Variants in TMEM268 observed in about 807,000 individuals in gnomAD.
TMEM268 encodes the protein transmembrane protein 268.
TMEM268 carries 24 observed loss-of-function variants against 39.1 expected under a neutral mutation model. The observed-to-expected ratio is 0.61, with a 90% confidence interval of 0.44 to 0.86. The LOEUF is 0.86. Ranked by LOEUF, TMEM268 falls within the 40% of genes least tolerant of loss-of-function variation. The pLI, the probability that TMEM268 is intolerant of heterozygous loss-of-function variation, is 0.00. For synonymous variants in TMEM268, 176 were observed against 173.5 expected (o/e 1.01, Z -0.12); for missense variants, 409 against 428.6 (o/e 0.95, Z 0.40).
At chr9:114,625,208 A>G (rs1846106415) in intron 3 of TMEM268, among the ~76,000 whole-genome samples, 1 of 152,152 alleles carries the variant, frequency 6.6e-6, no homozygotes, top group African/African-American at 2.4e-5. Flanking sequence ...GATTAAATGC[A>G]ATAATGCTTG....
intron 8 of TMEM268, among the ~76,000 whole-genome samples, chr9:114,641,546 G>GC (rs1374260965): frequency 2.0e-5 from 3 of 152,166 alleles, no homozygotes; most frequent in African/African-American, 7.2e-5. Context: ...AAGGCCTAGC[G>GC]CCGTGGCTCA....
In TMEM268 at chr9:114,646,142, T is replaced by C. The variant is rs1589368956; in HGVS notation, c.*2829T>C. The C allele has an allele frequency of 6.6e-6, 1 of 152,242 alleles. No homozygotes were observed. The highest frequency in any genetic ancestry group is 1.9e-4 in the East Asian group (1 of 5,182). The allele number at this position is 152,242 out of a possible 1,614,324, so 9.4% of individuals were successfully genotyped here. A position where few individuals can be genotyped will look rare whatever the true frequency, so the allele number is the denominator to read the frequency against. On this transcript the variant is annotated 3_prime_UTR_variant, in exon 9 of 9. Coordinates refer to ENST00000288502, the MANE Select transcript of TMEM268 (RefSeq NM_153045.4). ...AAGTCTTAAGGCTCTGTGTTAGTGATAGATGTGGCCATGGTGTAGGCAGTG... is the reference window on the plus strand; with the variant it reads ...AAGTCTTAAGGCTCTGTGTTAGTGACAGATGTGGCCATGGTGTAGGCAGTG...
the TMEM268 span, among the ~76,000 whole-genome samples, chr9:114,605,464 C>T: frequency 6.6e-6 from 1 of 152,032 alleles, no homozygotes; most frequent in Non-Finnish European, 1.5e-5. Flanking sequence ...ATCATCAGGT[C>T]AACATAGATC....
intron 7 of TMEM268, among the ~76,000 whole-genome samples, chr9:114,637,748 C>T (rs951535645): frequency 6.6e-6 from 1 of 152,142 alleles, no homozygotes; most frequent in Non-Finnish European, 1.5e-5. Flanking sequence ...GAAACAGGCT[C>T]CGGGATGACC....
intron 3 of TMEM268, among the ~76,000 whole-genome samples, chr9:114,625,034 G>C (rs942814689): frequency 6.6e-6 from 1 of 152,232 alleles, no homozygotes; most frequent in Non-Finnish European, 1.5e-5. Flanking sequence ...CAAGCATAGT[G>C]ATTTGAGGCC....
intron 7 of TMEM268, among the ~76,000 whole-genome samples, chr9:114,638,198 C>T (rs1017435097): frequency 1.3e-5 from 2 of 152,164 alleles, no homozygotes; most frequent in Non-Finnish European, 1.5e-5. Flanking sequence ...CGTGCCACCA[C>T]ACCAGGCTAA....
chr9:114,617,267 C>T lies in TMEM268; in HGVS notation c.72C>T (p.Ala24=), dbSNP rs758977140. ...PLPPSSPGWS[A]LPGGSPPGWG... is the part of the protein sequence containing the mutation. ...CCCCCTCCTCCCCTGGCTGGAGTGC[C>T]CTGCCTGGAGGGAGCCCTCCTGGCT... Residue 24 remains alanine (A), a synonymous_variant, in exon 2 of 9, where the codon GCC becomes GCT. Transcript: ENST00000288502. 2 of 1,613,270 alleles carry T rather than the reference C, an allele frequency of 1.2e-6. No individual in the cohort carries two copies. The highest frequency in any genetic ancestry group is 8.5e-7 in the Non-Finnish European group (1 of 1,179,570).
intron 2 of TMEM268, among the ~76,000 whole-genome samples, chr9:114,618,040 C>T (rs912227229): frequency 6.6e-6 from 1 of 151,918 alleles, no homozygotes; most frequent in East Asian, 1.9e-4. Flanking sequence ...CCACGCCCAG[C>T]TAATTTTCGT....
chr9:114,643,328 T>TAC lies in TMEM268; in HGVS notation c.*16_*17dup. 6.2e-7 allele frequency: 1 copy of TAC among 1,612,498 alleles called. No homozygotes were observed. The highest frequency in any genetic ancestry group is 1.1e-5 in the South Asian group (1 of 91,014). On this transcript the variant is annotated 3_prime_UTR_variant, in exon 9 of 9. Coordinates refer to ENST00000288502, the MANE Select transcript of TMEM268 (RefSeq NM_153045.4). ...TGGCGAGGTGACCTAGGGATGAAGG[T>TAC]ACTCATCTTCCTTCAAGACTGAGCA...
rs1589366360 is a variant in TMEM268 at position 114,643,288 on chromosome 9, G to C, written c.1004G>C (p.Gly335Ala). 2.5e-6 allele frequency: 4 copies of C among 1,614,110 alleles called. No individual in the cohort carries two copies. The highest frequency in any genetic ancestry group is 1.1e-5 in the South Asian group (1 of 91,082). ...QLIEAYILGT[G>A]CCPFLAR ...ATAGAAGCCTACATCCTAGGCACAG[G>C]GTGCTGCCCGTTCCTGGCGAGGTGA... Residue 335 changes from glycine to alanine, a missense_variant, in exon 9 of 9, where the codon GGG becomes GCG. Physicochemically the swap from Gly to Ala is moderately conservative, Grantham distance 60. Coordinates refer to ENST00000288502, the MANE Select transcript of TMEM268 (RefSeq NM_153045.4).
intron 2 of TMEM268, among the ~76,000 whole-genome samples, chr9:114,623,094 A>AAACAAC (rs200137316): frequency 1.6e-4 from 24 of 151,754 alleles, no homozygotes; most frequent in African/African-American, 4.4e-4. Context: ...TGTCTCCAAA[A>AAACAAC]AACAACAACA....
In TMEM268 at chr9:114,613,772, A is replaced by G. The variant is rs1449924587; in HGVS notation, c.-79+2208A>G. On this transcript the variant is annotated intron_variant, in intron 1 of 8. Transcript: ENST00000288502. The stretch of plus-strand genomic sequence containing the variant: ...TTTGTTTTGTTTTGTTTTGTTTTGT[A>G]AGGGTGATTTCATGAACATTCTCAG... Among the ~76,000 whole-genome samples the G allele has an allele frequency of 2.0e-5, 3 of 151,876 alleles. No individual in the cohort carries two copies. The South Asian group carries it at 6.2e-4, about 32-fold the overall frequency.
chr9:114,634,747 G>A (rs998473618), intron 6 of TMEM268, among the ~76,000 whole-genome samples: 1 of 152,186 alleles, frequency 6.6e-6, no homozygotes, highest in Admixed American at 6.5e-5. Context: ...TTTATTGAGA[G>A]CCTATTGTGT....
At position 114,617,221 on chromosome 9, in the gene TMEM268, CG is replaced by C. The variant is rs747776872; in HGVS notation, c.31del (p.Ala11ProfsTer81). On this transcript the variant is annotated frameshift_variant, in exon 2 of 9. Coordinates refer to ENST00000288502, the MANE Select transcript of TMEM268 (RefSeq NM_153045.4). LOFTEE classifies it high-confidence loss of function. ...ATGGCCTGTGAACCACAGGTGGACC[CG>C]GGGGCCACTGGCCCATTGCCCCCCT... MACEPQVD[P>X]GATGPLPPSS... 8.1e-6 allele frequency: 13 copies of C among 1,610,010 alleles called. No individual in the cohort carries two copies. The highest frequency in any genetic ancestry group is 1.7e-4 in the Middle Eastern group (1 of 6,052).
chr9:114,637,325 C>G (rs1009871865), intron 7 of TMEM268, among the ~76,000 whole-genome samples: 6 of 144,804 alleles, frequency 4.1e-5, no homozygotes, highest in African/African-American at 1.5e-4. Context: ...CAGAGTTTCA[C>G]TCAGTTGCCC....
chr9:114,643,474 A>G lies in TMEM268; in HGVS notation c.*161A>G. Reference sequence around the variant, plus strand: ...GCCACTGGGGTGTTGTGCTCACTTCAGGGCCCAGCACAAAAATCCTTGTTT... The same window carrying G: ...GCCACTGGGGTGTTGTGCTCACTTCGGGGCCCAGCACAAAAATCCTTGTTT... On this transcript the variant is annotated 3_prime_UTR_variant, in exon 9 of 9. Coordinates refer to ENST00000288502, the MANE Select transcript of TMEM268 (RefSeq NM_153045.4). 3 of 627,586 alleles carry G rather than the reference A, an allele frequency of 4.8e-6. No individual in the cohort carries two copies. The South Asian group carries it at 6.0e-5, about 13-fold the overall frequency. 38.9% of individuals were successfully genotyped at this position (627,586 alleles called of 1,614,324 possible).
intron 6 of TMEM268, 33 bp from the exon 7 acceptor site, chr9:114,636,957 A>C (rs770409320): frequency 4.6e-6 from 7 of 1,506,712 alleles, no homozygotes; most frequent in Non-Finnish European, 6.5e-6. Context: ...GCTGCCCTTG[A>C]GCCACGGTGG....
chr9:114,638,671 A>G lies in TMEM268; in HGVS notation c.794A>G (p.Glu265Gly), dbSNP rs149156463. The G allele has an allele frequency of 2.2e-5, 36 of 1,607,648 alleles. No homozygotes were observed. In the African/African-American group the frequency reaches 4.7e-4, roughly 21 times the overall value. Residue 265 changes from glutamate to glycine, a missense_variant, in exon 8 of 9, where the codon GAG becomes GGG. Glu to Gly is a moderately conservative substitution (Grantham distance 98). Coordinates refer to ENST00000288502, the MANE Select transcript of TMEM268 (RefSeq NM_153045.4). ...CTGCCCGGCAATTCTTGTCCTAACG[A>G]GAGGCCACTCATGCAGACTGAGCTT... is the stretch of plus-strand genomic sequence containing the variant. The part of the protein sequence containing the change: ...PLLPGNSCPN[E>G]RPLMQTELHQ...
chr9:114,620,737 G>A (rs114566955), intron 2 of TMEM268, among the ~76,000 whole-genome samples: 170 of 152,134 alleles, frequency 1.1e-3, no homozygotes, highest in African/African-American at 3.6e-3. Flanking sequence ...TTTTTATCAC[G>A]TTAATTATTT....
Sources: allele counts gnomAD v4.1 joint callset (sites outside exome capture counted in the v4.1 genomes callset), GRCh38; gene constraint gnomAD v4.1.1; transcripts MANE v1.5; gene names NCBI Gene and HGNC (gene_info 2026-07-23, HGNC 2026-07-21).